KY: variants seen among roughly 807,000 people sequenced by gnomAD.
The protein encoded by KY is kyphoscoliosis peptidase.
Under a neutral mutation model 76.1 loss-of-function variants are expected in KY, and 43 were observed. That is an observed-to-expected ratio of 0.57 (90% CI 0.44 to 0.73). The LOEUF is 0.73. Among genes scored for constraint, KY ranks in the 30% least tolerant of loss-of-function variants. The pLI, the probability that KY is intolerant of heterozygous loss-of-function variation, is 0.00. For synonymous variants in KY, 277 were observed against 326.2 expected (o/e 0.85, Z 1.63); for missense variants, 722 against 828.9 (o/e 0.87, Z 1.58).
chr3:134,648,830 G>C (rs1966746751), intron 1 of KY, among the ~76,000 whole-genome samples: 1 of 152,168 alleles, frequency 6.6e-6, no homozygotes. Context: ...TTCTGACATG[G>C]AGCCTAGGCC....
At chr3:134,646,693 A>C (rs930370197) in intron 2 of KY, among the ~76,000 whole-genome samples, 2 of 152,044 alleles carry the variant, frequency 1.3e-5, no homozygotes, top group African/African-American at 2.4e-5. Context: ...GTTCCTTTAC[A>C]CTGGCATTTG....
intron 6 of KY, among the ~76,000 whole-genome samples, chr3:134,621,147 G>A (rs549252191): frequency 2.1e-4 from 32 of 152,306 alleles, no homozygotes; most frequent in African/African-American, 6.5e-4. Context: ...GCCCCTGGTC[G>A]TGGTCAATAC....
chr3:134,607,942 C>T, intron 10 of KY: 1 of 996,516 alleles, frequency 1.0e-6, no homozygotes, highest in Non-Finnish European at 1.2e-6. Context: ...CTTACTGTGT[C>T]CCCGCCTCTC....
At chr3:134,644,193 A>T (rs1966151654) in intron 2 of KY, among the ~76,000 whole-genome samples, 2 of 152,110 alleles carry the variant, frequency 1.3e-5, no homozygotes, top group African/African-American at 4.8e-5. Context: ...AGGAGACGGG[A>T]TGATGTGTAG....
intron 10 of KY, among the ~76,000 whole-genome samples, chr3:134,606,279 C>T (rs1349473768): frequency 2.0e-5 from 3 of 152,302 alleles, no homozygotes; most frequent in South Asian, 2.1e-4. Flanking sequence ...CCTTTGAAAA[C>T]GTCCACCTGG....
intron 3 of KY, among the ~76,000 whole-genome samples, chr3:134,635,958 G>A (rs888150725): frequency 6.6e-6 from 1 of 152,128 alleles, no homozygotes; most frequent in Non-Finnish European, 1.5e-5. Context: ...ATAGCCATAT[G>A]TTATCATTTC....
intron 10 of KY, chr3:134,607,360 C>A: frequency 1.0e-6 from 1 of 985,548 alleles, no homozygotes; most frequent in Non-Finnish European, 1.2e-6. Flanking sequence ...GACACCTGTG[C>A]TCCCCGCTGC....
intron 8 of KY, among the ~76,000 whole-genome samples, chr3:134,614,345 C>A (rs1411217178): frequency 6.6e-6 from 1 of 152,080 alleles, no homozygotes; most frequent in Admixed American, 6.5e-5. Context: ...AATTGACAAC[C>A]TCAATTTTGC....
At chr3:134,624,447 C>T (rs1276636734) in intron 6 of KY, among the ~76,000 whole-genome samples, 1 of 152,254 alleles carries the variant, frequency 6.6e-6, no homozygotes, top group East Asian at 1.9e-4. Flanking sequence ...AATGTCCTGA[C>T]TTCACAAAAG....
intron 2 of KY, among the ~76,000 whole-genome samples, chr3:134,647,108 A>T (rs1008296789): frequency 1.3e-5 from 2 of 152,226 alleles, no homozygotes. Flanking sequence ...CAAAAGATAG[A>T]TGGCTGCCTC....
intron 3 of KY, chr3:134,639,740 G>A (rs1157548202): frequency 6.6e-6 from 1 of 151,228 alleles, no homozygotes; most frequent in Non-Finnish European, 1.5e-5. Context: ...GAGCCCAGGG[G>A]TTTGAGACCA....
In KY at chr3:134,601,944, G is replaced by C. The variant is rs137894442; in HGVS notation, c.*1635C>G. ...CTGTACTCTGGATGGCAGGGGCCGG[G>C]CCCCCTTGGTTCACCTCTGTAGCCC... On this transcript the variant is annotated 3_prime_UTR_variant, in exon 11 of 11. Coordinates refer to ENST00000423778, the MANE Select transcript of KY (RefSeq NM_178554.6). 3.9e-4 allele frequency among the ~76,000 whole-genome samples: 59 copies of C among 152,266 alleles called. No homozygotes were observed. The highest frequency in any genetic ancestry group is 1.3e-3 in the African/African-American group (55 of 41,540).
chr3:134,615,658 G>A (rs1961418328), intron 8 of KY, among the ~76,000 whole-genome samples: 1 of 150,608 alleles, frequency 6.6e-6, no homozygotes, highest in Admixed American at 6.6e-5. Flanking sequence ...CTTTGGTGTA[G>A]CTATAAGGGT....
chr3:134,650,707 G>A (rs1966862939), intron 1 of KY, 118 bp downstream of exon 1: 2 of 940,492 alleles, frequency 2.1e-6, no homozygotes, highest in African/African-American at 3.5e-5. Context: ...ATGGGGGAGA[G>A]GGTCGGGTTC....
At chr3:134,619,379 T>C (rs1962182061) in intron 7 of KY, 114 bp from the exon 8 acceptor site, 1 of 757,450 alleles carries the variant, frequency 1.3e-6, no homozygotes, top group African/African-American at 1.7e-5. Flanking sequence ...TACAGTGGGC[T>C]GAATGGAACT....
intron 10 of KY, among the ~76,000 whole-genome samples, chr3:134,605,705 T>C: frequency 6.7e-6 from 1 of 149,266 alleles, no homozygotes; most frequent in African/African-American, 2.5e-5. Context: ...GCCGGTCAGC[T>C]CTCTGGCACT....
At chr3:134,604,826 G>A (rs988194894) in intron 10 of KY, among the ~76,000 whole-genome samples, 2 of 152,154 alleles carry the variant, frequency 1.3e-5, no homozygotes, top group Non-Finnish European at 2.9e-5. Context: ...GTCCAGAGAG[G>A]GTCATGGGTC....
chr3:134,633,124 T>C (rs4443217), intron 3 of KY, among the ~76,000 whole-genome samples: 148,283 of 152,128 alleles, frequency 0.97, 72,383 homozygotes, highest in East Asian at 1. Context: ...TAGTTTAAAA[T>C]CTTCCCCCCA....
chr3:134,643,591 C>A (rs1009466728), intron 2 of KY, among the ~76,000 whole-genome samples: 5 of 152,248 alleles, frequency 3.3e-5, no homozygotes, highest in African/African-American at 9.6e-5. Context: ...TGTGCACACA[C>A]CCCTTGTGCC....
Sources: allele counts gnomAD v4.1 joint callset (sites outside exome capture counted in the v4.1 genomes callset), GRCh38; gene constraint gnomAD v4.1.1; transcripts MANE v1.5; gene names NCBI Gene and HGNC (gene_info 2026-07-23, HGNC 2026-07-21).